Variants in ZBED4 observed in about 807,000 individuals in gnomAD.
The protein encoded by ZBED4 is zinc finger BED-type containing 4.
ZBED4 carries 4 observed loss-of-function variants against 15.5 expected under a neutral mutation model. The ratio of observed to expected loss-of-function variants is 0.26; its 90% confidence interval spans 0.13 to 0.59. The LOEUF (loss-of-function observed/expected upper bound fraction) is 0.59, where lower values mean the gene tolerates loss of function less well. Ranked by LOEUF, ZBED4 falls within the 20% of genes least tolerant of loss-of-function variation. The pLI is 0.90. For missense variants in ZBED4, 1,323 were observed against 1,461.8 expected, an observed-to-expected ratio of 0.91 and a Z score of 1.55; for synonymous variants, 692 against 608.5, an observed-to-expected ratio of 1.14 and a Z score of -2.02.
chr22:49,862,103 G>GA (rs1164720565), intron 1 of ZBED4, among the ~76,000 whole-genome samples: 2 of 152,298 alleles, frequency 1.3e-5, no homozygotes, highest in South Asian at 4.1e-4. Flanking sequence ...TGTGAAAAAT[G>GA]AAAAAACTGT....
Position 49,884,937 on chromosome 22 carries a change from G to C in ZBED4, c.1275G>C (p.Ala425=), listed in dbSNP as rs761545349. The C allele has an allele frequency of 8.1e-6, 13 of 1,608,260 alleles. No homozygotes were observed. The highest frequency in any genetic ancestry group is 1.0e-5 in the Non-Finnish European group (12 of 1,176,802). ...SSSDDIGEAS[A]SSPEKQQADG... is the part of the protein sequence containing the mutation. ...CCGATGACATAGGGGAGGCCTCGGC[G>C]TCCTCTCCTGAGAAGCAGCAGGCTG... Residue 425 remains alanine (A), a synonymous_variant, in exon 2 of 2, where the codon GCG becomes GCC. Transcript: ENST00000216268.
At chr22:49,869,121 CAAAA>C (rs113863967) in intron 1 of ZBED4, among the ~76,000 whole-genome samples, 5 of 93,396 alleles carry the variant, frequency 5.4e-5, no homozygotes, top group Non-Finnish European at 7.5e-5. Flanking sequence ...AAAACTGTCT[CAAAA>C]AAAAAAAAAA....
At chr22:49,856,982 C>T (rs2060277564) in intron 1 of ZBED4, among the ~76,000 whole-genome samples, 2 of 152,354 alleles carry the variant, frequency 1.3e-5, no homozygotes, top group Non-Finnish European at 2.9e-5. Context: ...TGGCCTGGCC[C>T]TGGGGATGGG....
chr22:49,858,145 A>T (rs1601780542), intron 1 of ZBED4, among the ~76,000 whole-genome samples: 1 of 146,376 alleles, frequency 6.8e-6, no homozygotes, highest in Non-Finnish European at 1.5e-5. Flanking sequence ...TAGGTGATCC[A>T]CCCGCCTTTG....
Position 49,883,690 on chromosome 22 carries a change from A to C in ZBED4, c.28A>C (p.Lys10Gln), listed in dbSNP as rs2060421200. The C allele has an allele frequency of 6.3e-7, 1 of 1,594,858 alleles. No individual in the cohort carries two copies. Among genetic ancestry groups the C allele is most frequent in the African/African-American group, 1.3e-5 (1 of 74,398 alleles). The change falls in exon 2 of 2, where the codon AAA becomes CAA. Residue 10 changes from lysine (K) to glutamine (Q), a missense_variant. Physicochemically the swap from Lys to Gln is moderately conservative, Grantham distance 53. Coordinates refer to ENST00000216268, the MANE Select transcript of ZBED4 (RefSeq NM_014838.3). ...GGAGAATAACTTGAAAACTTGTCCC[A>C]AAGAGGACGGTGATTTCGTTTCTGA... MENNLKTCP[K>Q]EDGDFVSDKI...
chr22:49,869,203 C>T (rs1388614251), intron 1 of ZBED4, among the ~76,000 whole-genome samples: 2 of 151,300 alleles, frequency 1.3e-5, no homozygotes, highest in East Asian at 3.9e-4. Flanking sequence ...GCAGAGTTGG[C>T]GGTGTCAGTG....
chr22:49,873,555 T>C (rs895520876), intron 1 of ZBED4, among the ~76,000 whole-genome samples: 3 of 152,168 alleles, frequency 2.0e-5, no homozygotes, highest in Non-Finnish European at 4.4e-5. Flanking sequence ...TACCAAAATG[T>C]GACACACAGG....
intron 1 of ZBED4, among the ~76,000 whole-genome samples, chr22:49,865,447 G>A (rs1300134098): frequency 1.3e-5 from 2 of 151,538 alleles, no homozygotes; most frequent in South Asian, 2.1e-4. Context: ...TCAGGAGTTC[G>A]AGACCCGCCT....
chr22:49,887,465 G>A lies in ZBED4; in HGVS notation c.*287G>A. On this transcript the variant is annotated 3_prime_UTR_variant, in exon 2 of 2. Transcript: ENST00000216268. The stretch of plus-strand genomic sequence containing the variant: ...TAACCGTAAAGTTTTTTAAAGTTTT[G>A]GGTTAGTAATTTGTTTTACTAGAAT... 3.3e-6 allele frequency: 1 copy of A among 299,240 alleles called. No homozygotes were observed. Among genetic ancestry groups the A allele is most frequent in the Non-Finnish European group, 6.6e-6 (1 of 151,334 alleles). 18.5% of individuals were successfully genotyped at this position (299,240 alleles called of 1,614,324 possible). A position where few individuals can be genotyped will look rare whatever the true frequency, so the allele number is the denominator to read the frequency against.
chr22:49,882,019 C>T (rs1230785124), intron 1 of ZBED4, among the ~76,000 whole-genome samples: 1 of 152,178 alleles, frequency 6.6e-6, no homozygotes, highest in African/African-American at 2.4e-5. Context: ...CCTGTTTCCC[C>T]AGCAGTATTA....
In ZBED4 at chr22:49,885,521, C is replaced by T; in HGVS notation, c.1859C>T (p.Ala620Val). Residue 620 changes from alanine to valine, a missense_variant, in exon 2 of 2, where the codon GCT (alanine) becomes GTT (valine). Physicochemically the swap from Ala to Val is moderately conservative, Grantham distance 64. Coordinates refer to ENST00000216268, the MANE Select transcript of ZBED4 (RefSeq NM_014838.3). ...NVLKTEVSETARPSSPDTRVP... is the reference protein window; with the variant it reads ...NVLKTEVSETVRPSSPDTRVP... ...CTGAAAACTGAGGTCTCGGAGACGG[C>T]TCGGCCCTCCTCTCCGGACACCCGG... 2 of 1,609,064 alleles carry T rather than the reference C, an allele frequency of 1.2e-6. No homozygotes were observed. Among genetic ancestry groups the T allele is most frequent in the Non-Finnish European group, 1.7e-6 (2 of 1,175,646 alleles).
chr22:49,856,094 TTTCTACATTC>T (rs1269890823), intron 1 of ZBED4, among the ~76,000 whole-genome samples: 1 of 152,232 alleles, frequency 6.6e-6, no homozygotes, highest in East Asian at 1.9e-4. Flanking sequence ...CACCTAGGTT[TTTCTACATTC>T]TGCAGTACCT....
At position 49,887,930 on chromosome 22, in the gene ZBED4, T is replaced by G. The variant is rs1422365808; in HGVS notation, c.*752T>G. The stretch of plus-strand genomic sequence containing the variant: ...CTCATCACTTCGCCAGTGCGTTCAA[T>G]GACACGCTGATGGCAGGTGGTCCCT... On this transcript the variant is annotated 3_prime_UTR_variant, in exon 2 of 2. Transcript: ENST00000216268. The G allele has an allele frequency of 6.0e-6, 1 of 167,294 alleles. No individual in the cohort carries two copies. The highest frequency in any genetic ancestry group is 1.5e-5 in the Non-Finnish European group (1 of 68,132). 10.4% of individuals were successfully genotyped at this position (167,294 alleles called of 1,614,324 possible).
At chr22:49,881,684 T>TTTTG (rs1328978908) in intron 1 of ZBED4, among the ~76,000 whole-genome samples, 2 of 152,104 alleles carry the variant, frequency 1.3e-5, no homozygotes, top group Non-Finnish European at 2.9e-5. Flanking sequence ...ACTTGGCATT[T>TTTTG]TTTGTTTGTT....
At chr22:49,879,008 G>A (rs896984119) in intron 1 of ZBED4, among the ~76,000 whole-genome samples, 1 of 151,396 alleles carries the variant, frequency 6.6e-6, no homozygotes, top group African/African-American at 2.4e-5. Context: ...AGCCGGGTGT[G>A]GTGGCGCGTG....
chr22:49,858,068 GT>G (rs1216573660), intron 1 of ZBED4, among the ~76,000 whole-genome samples: 1 of 151,834 alleles, frequency 6.6e-6, no homozygotes, highest in Non-Finnish European at 1.5e-5. Flanking sequence ...CGCCCAGCCA[GT>G]TTTTGTATTT....
At position 49,883,707 on chromosome 22, in the gene ZBED4, C is replaced by A; in HGVS notation, c.45C>A (p.Phe15Leu). ...CTTGTCCCAAAGAGGACGGTGATTT[C>A]GTTTCTGATAAAATAAAGTTTAAAA... ...LKTCPKEDGDFVSDKIKFKIE... is the reference protein window; with the variant it reads ...LKTCPKEDGDLVSDKIKFKIE... The change falls in exon 2 of 2, where the codon TTC becomes TTA. Residue 15 changes from phenylalanine to leucine, a missense_variant. Phe to Leu is a conservative substitution (Grantham distance 22, BLOSUM62 0). This residue lies in a region of ZBED4 where 380 missense variants were observed against 413.7 expected (regional missense o/e 0.92). Transcript: ENST00000216268. The A allele has an allele frequency of 6.2e-7, 1 of 1,604,150 alleles. No individual in the cohort carries two copies. The highest frequency in any genetic ancestry group is 8.5e-7 in the Non-Finnish European group (1 of 1,172,786).
At position 49,886,988 on chromosome 22, in the gene ZBED4, C is replaced by T. The variant is rs900391680; in HGVS notation, c.3326C>T (p.Ala1109Val). The change falls in exon 2 of 2, where the codon GCG becomes GTG. Residue 1109 changes from alanine to valine, a missense_variant. Around this residue, in one of 6 missense-constraint regions of ZBED4, gnomAD observed 312 missense variants for 410.7 expected, o/e 0.76. Transcript: ENST00000216268. This position sits in a 1 kb window ranked among gnomAD's most constrained non-coding sequence, Gnocchi z 7.7. ...CTCACCTACTGGAACCTGAAGAAGG[C>T]GTCCTGGCCGGGGCTGTCCGCGCTG... ...DPLTYWNLKK[A>V]SWPGLSALAV... The T allele has an allele frequency of 9.9e-6, 16 of 1,613,956 alleles. No homozygotes were observed. Among genetic ancestry groups the T allele is most frequent in the African/African-American group, 6.7e-5 (5 of 74,900 alleles).
At chr22:49,857,692 A>T (rs955614536) in intron 1 of ZBED4, among the ~76,000 whole-genome samples, 1 of 152,106 alleles carries the variant, frequency 6.6e-6, no homozygotes, top group Non-Finnish European at 1.5e-5. Context: ...CCTGGATTCA[A>T]GTGATTCTGC....
Sources: gnomAD v4.1 joint callset for allele counts (sites outside exome capture counted in the v4.1 genomes callset) on GRCh38, gnomAD v4.1.1 for gene constraint, gnomAD v4.1.1 regional missense constraint, Gnocchi (gnomAD v3.1) non-coding constraint, MANE v1.5 for transcripts, NCBI Gene and HGNC (gene_info 2026-07-23, HGNC 2026-07-21) for gene names.